SLC15A2: variants seen among roughly 807,000 people sequenced by gnomAD.
SLC15A2 encodes the protein kidney H(+)/peptide cotransporter.
Under a neutral mutation model 95.5 loss-of-function variants are expected in SLC15A2, and 77 were observed. That is an observed-to-expected ratio of 0.81 (90% CI 0.67 to 0.97). SLC15A2 has a LOEUF of 0.97. Ranked by LOEUF, SLC15A2 falls within the 50% of genes least tolerant of loss-of-function variation. The pLI is 0.00. For missense variants in SLC15A2, 893 were observed against 874.4 expected (o/e 1.02, Z -0.27); for synonymous variants, 306 against 306.9 (o/e 1.00, Z 0.03).
chr3:121,901,940 C>T (rs2141615), intron 3 of SLC15A2, among the ~76,000 whole-genome samples: 67,970 of 151,868 alleles, frequency 0.45, 15,741 homozygotes, highest in East Asian at 0.69. Context: ...ATTGTTCAAA[C>T]CCTGAAGGGG....
chr3:121,902,518 C>A (rs1203401135), intron 3 of SLC15A2, among the ~76,000 whole-genome samples: 1 of 152,116 alleles, frequency 6.6e-6, no homozygotes, highest in African/African-American at 2.4e-5. Flanking sequence ...CAGCCCTCCA[C>A]CCCATGACAG....
At chr3:121,921,023 G>T (rs1709995158) in intron 7 of SLC15A2, among the ~76,000 whole-genome samples, 1 of 152,082 alleles carries the variant, frequency 6.6e-6, no homozygotes, top group Non-Finnish European at 1.5e-5. Flanking sequence ...AACTACAAAG[G>T]TAATACCAGC....
intron 3 of SLC15A2, among the ~76,000 whole-genome samples, chr3:121,901,704 C>A (rs1709523492): frequency 6.6e-6 from 1 of 152,048 alleles, no homozygotes; most frequent in South Asian, 2.1e-4. Context: ...AGAAAAAAGA[C>A]AAGACTCTTC....
chr3:121,923,280 A>AT lies in SLC15A2; in HGVS notation c.1002+18dup. On this transcript the variant is annotated intron_variant, in intron 11 of 21. Coordinates refer to ENST00000489711, the MANE Select transcript of SLC15A2 (RefSeq NM_021082.4). ...AATAGGAATTTGGTGAGTAGAAGAG[A>AT]TTTTCCAGAGAAGTCTATTATTTTC... The AT allele has an allele frequency of 6.2e-7, 1 of 1,612,558 alleles. No individual in the cohort carries two copies. Among genetic ancestry groups the AT allele is most frequent in the Non-Finnish European group, 8.5e-7 (1 of 1,179,202 alleles).
At chr3:121,939,269 A>G (rs1710413577) in intron 19 of SLC15A2, 80 bp from the exon 20 acceptor site, 1 of 1,130,110 alleles carries the variant, frequency 8.8e-7, no homozygotes, top group Admixed American at 3.0e-5. Context: ...AAGGATGGAT[A>G]TAAGATCGTA....
intron 3 of SLC15A2, among the ~76,000 whole-genome samples, chr3:121,904,931 C>A (rs987452933): frequency 6.6e-6 from 1 of 152,178 alleles, no homozygotes; most frequent in African/African-American, 2.4e-5. Flanking sequence ...ATGATACCAG[C>A]CCCTCTTTCT....
intron 18 of SLC15A2, among the ~76,000 whole-genome samples, chr3:121,931,418 A>G (rs559277544): frequency 6.6e-6 from 1 of 152,362 alleles, no homozygotes; most frequent in East Asian, 1.9e-4. Flanking sequence ...ATTTAGGTTG[A>G]ATATTTTAGA....
Position 121,940,394 on chromosome 3 carries a change from G to A in SLC15A2, c.1919G>A (p.Ser640Asn), listed in dbSNP as rs772375775. The A allele has an allele frequency of 3.7e-6, 6 of 1,613,844 alleles. No individual in the cohort carries two copies. Among genetic ancestry groups the A allele is most frequent in the Non-Finnish European group, 5.1e-6 (6 of 1,179,810 alleles). The change falls in exon 21 of 22, where the codon AGC becomes AAC. Residue 640 changes from serine to asparagine, a missense_variant. Ser to Asn is a conservative substitution (Grantham distance 46). Coordinates refer to ENST00000489711, the MANE Select transcript of SLC15A2 (RefSeq NM_021082.4). ...LEFSYSQAPS[S>N]MKSVLQAAWL... ...TTGTGTCATCCCCAGGCTCCCTCTAGCATGAAATCTGTGCTCCAGGCAGCT... is the reference window on the plus strand; with the variant it reads ...TTGTGTCATCCCCAGGCTCCCTCTAACATGAAATCTGTGCTCCAGGCAGCT...
At chr3:121,915,201 C>G in intron 5 of SLC15A2, 26 bp from the exon 6 acceptor site, 1 of 1,560,278 alleles carries the variant, frequency 6.4e-7, no homozygotes, top group Non-Finnish European at 8.8e-7. Context: ...ACACATTGCA[C>G]TGATGATTTA....
At chr3:121,921,280 A>C (rs755153977) in intron 7 of SLC15A2, among the ~76,000 whole-genome samples, 46 of 152,346 alleles carry the variant, frequency 3.0e-4, no homozygotes, top group Non-Finnish European at 5.6e-4. Flanking sequence ...CTTTGAGGAC[A>C]GGGACCTTGT....
At chr3:121,939,635 T>C (rs1255788597) in intron 20 of SLC15A2, 140 bp downstream of exon 20, 9 of 574,268 alleles carry the variant, frequency 1.6e-5, no homozygotes, top group Non-Finnish European at 2.3e-5. Flanking sequence ...ATATATGACC[T>C]GAACATCTTA....
chr3:121,923,777 A>T (rs1326628847), intron 11 of SLC15A2, among the ~76,000 whole-genome samples: 7 of 152,164 alleles, frequency 4.6e-5, no homozygotes, highest in African/African-American at 1.4e-4. Context: ...TCTACTCTCA[A>T]TTGTTCTTTT....
rs114456051 is a variant in SLC15A2 at position 121,904,627 on chromosome 3, G to C, written c.336-6947G>C. ...AGATAATCATGTGGTTTTTGTTGTT[G>C]ATTGTGTTTATATGCCGGATTACGT... On this transcript the variant is annotated intron_variant, in intron 3 of 21. Coordinates refer to ENST00000489711, the MANE Select transcript of SLC15A2 (RefSeq NM_021082.4). Among the ~76,000 whole-genome samples, 1,361 of 152,308 alleles carry C rather than the reference G, an allele frequency of 8.9e-3. 28 individuals are homozygous for C. Among genetic ancestry groups the C allele is most frequent in the African/African-American group, 0.031 (1,289 of 41,564 alleles).
At chr3:121,919,129 C>A (rs963740712) in intron 7 of SLC15A2, among the ~76,000 whole-genome samples, 1 of 152,168 alleles carries the variant, frequency 6.6e-6, no homozygotes, top group South Asian at 2.1e-4. Context: ...AAGGTCTGAG[C>A]CCCCAGAAAT....
At chr3:121,923,871 A>G (rs1235496507) in intron 11 of SLC15A2, among the ~76,000 whole-genome samples, 1 of 152,152 alleles carries the variant, frequency 6.6e-6, no homozygotes, top group East Asian at 1.9e-4. Context: ...TAGTCAGTCT[A>G]TTTGGAGCCT....
intron 19 of SLC15A2, among the ~76,000 whole-genome samples, chr3:121,934,588 G>GCT (rs1710301604): frequency 6.6e-6 from 1 of 150,926 alleles, no homozygotes. Flanking sequence ...GTATAAGAAT[G>GCT]CTTGTGATTT....
At chr3:121,918,010 G>A (rs191424043) in intron 7 of SLC15A2, among the ~76,000 whole-genome samples, 3 of 152,344 alleles carry the variant, frequency 2.0e-5, no homozygotes, top group Middle Eastern at 3.4e-3. Flanking sequence ...TTGTGAGGGA[G>A]AGTGGGGAAC....
intron 5 of SLC15A2, among the ~76,000 whole-genome samples, chr3:121,914,659 T>A (rs943034906): frequency 6.6e-6 from 1 of 152,124 alleles, no homozygotes; most frequent in African/African-American, 2.4e-5. Flanking sequence ...ATATGTCGGA[T>A]GCTGTGCTAG....
intron 1 of SLC15A2, among the ~76,000 whole-genome samples, chr3:121,894,865 A>G (rs1296388914): frequency 6.6e-6 from 1 of 152,208 alleles, no homozygotes; most frequent in Non-Finnish European, 1.5e-5. Context: ...TCGAATGTCC[A>G]GGGAAACTTG....
Sources: gnomAD v4.1 joint callset for allele counts (sites outside exome capture counted in the v4.1 genomes callset) on GRCh38, gnomAD v4.1.1 for gene constraint, MANE v1.5 for transcripts, NCBI Gene and HGNC (gene_info 2026-07-23, HGNC 2026-07-21) for gene names.